BCKDHB: variants seen among roughly 807,000 people sequenced by gnomAD.
BCKDHB encodes branched chain keto acid dehydrogenase E1 subunit beta.
BCKDHB carries 41 observed loss-of-function variants against 48.5 expected under a neutral mutation model. The ratio of observed to expected loss-of-function variants is 0.85; its 90% CI spans 0.66 to 1.10. The LOEUF is 1.10. Ranked by LOEUF, BCKDHB falls within the 50% of genes least tolerant of loss-of-function variation. BCKDHB has a pLI of 0.00. For synonymous variants in BCKDHB, 201 were observed against 174.8 expected (o/e 1.15, Z -1.18); for missense variants, 496 against 494.2 (o/e 1.00, Z -0.03).
intron 8 of BCKDHB, among the ~76,000 whole-genome samples, chr6:80,254,999 C>T (rs940142055): frequency 6.6e-6 from 1 of 152,172 alleles, no homozygotes; most frequent in African/African-American, 2.4e-5. Context: ...TGTGAAACAA[C>T]AGCTTCATTG....
the BCKDHB span, among the ~76,000 whole-genome samples, chr6:80,405,446 A>G: frequency 6.6e-6 from 1 of 151,986 alleles, no homozygotes; most frequent in East Asian, 1.9e-4. Flanking sequence ...TGAGTCTGTT[A>G]TGGGTTATAT....
the BCKDHB span, among the ~76,000 whole-genome samples, chr6:80,365,364 T>C: frequency 6.6e-6 from 1 of 152,036 alleles, no homozygotes; most frequent in Non-Finnish European, 1.5e-5. Flanking sequence ...GAGACCAGGG[T>C]GTAGCTCAGT....
chr6:80,338,584 A>G (rs1011447525), intron 9 of BCKDHB, among the ~76,000 whole-genome samples: 2 of 152,168 alleles, frequency 1.3e-5, no homozygotes, highest in African/African-American at 4.8e-5. Context: ...TGTTTAATAA[A>G]TGTTAGCTGT....
At chr6:80,423,459 C>T in the BCKDHB span, among the ~76,000 whole-genome samples, 1 of 152,110 alleles carries the variant, frequency 6.6e-6, no homozygotes. Context: ...CCTCTTATTC[C>T]ACCATCTTGC....
intron 9 of BCKDHB, among the ~76,000 whole-genome samples, chr6:80,275,808 C>T (rs1431765167): frequency 2.0e-5 from 3 of 151,842 alleles, no homozygotes; most frequent in African/African-American, 7.2e-5. Context: ...CTATGGAAAG[C>T]CTTGTTCCAT....
rs1372443882 is a variant in BCKDHB, at chr6:80,342,577, AAAGAAAG to A, written c.1039-1086_1039-1080del. Among the ~76,000 whole-genome samples the A allele has an allele frequency of 7.6e-3, 1,063 of 140,186 alleles. 46 individuals carry two copies. The highest frequency in any genetic ancestry group is 0.026 in the African/African-American group (1,011 of 38,474). The allele number at this position is 140,186 out of a possible 152,430, so 92.0% of individuals were successfully genotyped here. On this transcript the variant is annotated intron_variant, in intron 9 of 9. Coordinates refer to ENST00000320393, the MANE Select transcript of BCKDHB (RefSeq NM_183050.4). ...TTCTGAAAAAAAAAAAAAAAAAAAA[AAAGAAAG>A]GGAAGAAAGGGGAAGGAAGGGAAGG...
chr6:80,402,404 C>A, the BCKDHB span, among the ~76,000 whole-genome samples: 28 of 151,720 alleles, frequency 1.8e-4, no homozygotes, highest in African/African-American at 6.7e-4. Context: ...TTTTGCATGT[C>A]TTCTTTAGAT....
At chr6:80,316,090 T>C (rs891345633) in intron 9 of BCKDHB, among the ~76,000 whole-genome samples, 3 of 152,232 alleles carry the variant, frequency 2.0e-5, no homozygotes, top group Non-Finnish European at 4.4e-5. Flanking sequence ...GTTTCATTCC[T>C]ATGCTGTGAT....
intron 9 of BCKDHB, among the ~76,000 whole-genome samples, chr6:80,313,553 G>T (rs1768275316): frequency 6.6e-6 from 1 of 152,076 alleles, no homozygotes; most frequent in Non-Finnish European, 1.5e-5. Flanking sequence ...TAGAGACGTG[G>T]TTTCACCTTG....
At chr6:80,112,560 C>A (rs1357261694) in intron 1 of BCKDHB, among the ~76,000 whole-genome samples, 1 of 152,180 alleles carries the variant, frequency 6.6e-6, no homozygotes, top group Non-Finnish European at 1.5e-5. Flanking sequence ...TCCTTATTTC[C>A]CATTACTATA....
rs540248611 is a variant in BCKDHB, at chr6:80,284,023, G to A, written c.1038+10802G>A. 8.5e-5 allele frequency among the ~76,000 whole-genome samples: 13 copies of A among 152,154 alleles called. No individual in the cohort carries two copies. The South Asian group carries it at 2.5e-3, about 29-fold the overall frequency. ...AGTAACAGGATGGGTCTGCCTCCTGGAGACAGAACTAAATTTCTCATTTTG... is the reference window on the plus strand; with the variant it reads ...AGTAACAGGATGGGTCTGCCTCCTGAAGACAGAACTAAATTTCTCATTTTG... On this transcript the variant is annotated intron_variant, in intron 9 of 9. Transcript: ENST00000320393.
intron 8 of BCKDHB, among the ~76,000 whole-genome samples, chr6:80,229,215 T>G (rs537709483): frequency 6.6e-6 from 1 of 152,318 alleles, no homozygotes; most frequent in South Asian, 2.1e-4. Flanking sequence ...ACAGATATAC[T>G]AATACATATT....
intron 6 of BCKDHB, among the ~76,000 whole-genome samples, chr6:80,191,669 A>G (rs1338893365): frequency 1.3e-5 from 2 of 152,140 alleles, no homozygotes; most frequent in Non-Finnish European, 2.9e-5. Flanking sequence ...GTGCCAATAT[A>G]AAAATCATAA....
intron 8 of BCKDHB, among the ~76,000 whole-genome samples, chr6:80,240,119 G>C (rs935954852): frequency 1.3e-5 from 2 of 152,116 alleles, no homozygotes; most frequent in African/African-American, 4.8e-5. Context: ...GTTTAAAGTA[G>C]ATTTTTTCCA....
chr6:80,107,978 G>A (rs1230533706), intron 1 of BCKDHB, among the ~76,000 whole-genome samples: 1 of 152,130 alleles, frequency 6.6e-6, no homozygotes, highest in Non-Finnish European at 1.5e-5. Context: ...AGTGTGTCTT[G>A]TGGATAAGAA....
intron 1 of BCKDHB, among the ~76,000 whole-genome samples, chr6:80,119,091 A>G (rs184396314): frequency 6.6e-6 from 1 of 152,242 alleles, no homozygotes; most frequent in African/African-American, 2.4e-5. Context: ...GGAGTTTGAG[A>G]CCAGCCTGGG....
chr6:80,325,751 A>G (rs1300827882), intron 9 of BCKDHB, among the ~76,000 whole-genome samples: 1 of 152,194 alleles, frequency 6.6e-6, no homozygotes, highest in Non-Finnish European at 1.5e-5. Context: ...ATTTGGGATT[A>G]AAGTTTGGGA....
the BCKDHB span, among the ~76,000 whole-genome samples, chr6:80,412,126 T>C: frequency 6.8e-6 from 1 of 146,436 alleles, no homozygotes; most frequent in Non-Finnish European, 1.5e-5. Context: ...CCACATTTTA[T>C]ACTATTGGTC....
chr6:80,391,609 T>C, the BCKDHB span, among the ~76,000 whole-genome samples: 1,038 of 152,320 alleles, frequency 6.8e-3, 3 homozygotes, highest in Admixed American at 0.011. Flanking sequence ...TTTGGACTTA[T>C]GGTCCCTTTA....
Sources: gnomAD v4.1 joint callset for allele counts (sites outside exome capture counted in the v4.1 genomes callset) on GRCh38, gnomAD v4.1.1 for gene constraint, MANE v1.5 for transcripts, NCBI Gene and HGNC (gene_info 2026-07-23, HGNC 2026-07-21) for gene names.